Variants in CEP63 observed in about 807,000 individuals in gnomAD.
The protein encoded by CEP63 is centrosomal protein 63.
In CEP63, 84 loss-of-function variants were observed where a neutral mutation model predicts 89.1. That is an observed-to-expected ratio of 0.94 (90% CI 0.79 to 1.13). The LOEUF is 1.13. Among genes scored for constraint, CEP63 ranks in the 50% most tolerant of loss-of-function variants. The pLI is 0.00. For synonymous variants in CEP63, 267 were observed against 272.5 expected (o/e 0.98, Z 0.20); for missense variants, 838 against 813.3 (o/e 1.03, Z -0.37).
chr3:134,689,331 T>C, the CEP63 span, among the ~76,000 whole-genome samples: 38 of 152,012 alleles, frequency 2.5e-4, no homozygotes, highest in Non-Finnish European at 4.7e-4. Flanking sequence ...TGTCAGCAGG[T>C]AGCAAGATGA....
chr3:134,621,897 G>T, the CEP63 span, among the ~76,000 whole-genome samples: 1 of 152,050 alleles, frequency 6.6e-6, no homozygotes, highest in Non-Finnish European at 1.5e-5. Context: ...TCAAAAAGGG[G>T]CAAAGGACTT....
chr3:134,761,755 C>A, the CEP63 span, among the ~76,000 whole-genome samples: 35 of 152,074 alleles, frequency 2.3e-4, no homozygotes, highest in Middle Eastern at 3.4e-3. Context: ...CTCTCTCCCC[C>A]CTGAATGTCA....
At chr3:134,697,488 C>G in the CEP63 span, among the ~76,000 whole-genome samples, 1 of 152,096 alleles carries the variant, frequency 6.6e-6, no homozygotes, top group African/African-American at 2.4e-5. Context: ...CAACAGAATC[C>G]CACTTTAGAA....
chr3:134,693,183 G>T, the CEP63 span, among the ~76,000 whole-genome samples: 1 of 152,210 alleles, frequency 6.6e-6, no homozygotes, highest in African/African-American at 2.4e-5. Context: ...CAAGAAAGCT[G>T]TTGGGTGGGG....
Position 134,532,912 on chromosome 3 carries a change from G to A in CEP63, c.441+12G>A, listed in dbSNP as rs373317087. 1 of 1,612,872 alleles carries A rather than the reference G, an allele frequency of 6.2e-7. No individual in the cohort carries two copies. The highest frequency in any genetic ancestry group is 8.5e-7 in the Non-Finnish European group (1 of 1,179,364). ...CTGCAAAAATAGAGGTATGTTCATA[G>A]TAATAATTTGTTCATAGTGATTGTC... On this transcript the variant is annotated intron_variant, in intron 5 of 14. Coordinates refer to ENST00000675561, the MANE Select transcript of CEP63 (RefSeq NM_001353108.3).
the CEP63 span, among the ~76,000 whole-genome samples, chr3:134,658,824 C>G: frequency 2.0e-5 from 3 of 152,188 alleles, no homozygotes; most frequent in Non-Finnish European, 4.4e-5. Context: ...CATGCAGACA[C>G]CAGCCCTGCT....
At chr3:134,629,621 G>A in the CEP63 span, 15 of 1,596,200 alleles carry the variant, frequency 9.4e-6, no homozygotes, top group Admixed American at 7.0e-5. Flanking sequence ...TCATACATAC[G>A]TTTAGCCAAG....
chr3:134,693,382 C>T, the CEP63 span, among the ~76,000 whole-genome samples: 1 of 152,114 alleles, frequency 6.6e-6, no homozygotes, highest in Non-Finnish European at 1.5e-5. Context: ...CTGACTGGTT[C>T]CCTAATGGTT....
chr3:134,552,268 A>G (rs1955053605), intron 12 of CEP63: 1 of 259,404 alleles, frequency 3.9e-6, no homozygotes, highest in African/African-American at 2.3e-5. Context: ...CAATGGCGTG[A>G]TCTTGGCTCA....
chr3:134,608,495 T>C, the CEP63 span: 2 of 1,550,740 alleles, frequency 1.3e-6, no homozygotes, highest in Non-Finnish European at 1.7e-6. Context: ...CAGCCTCCAC[T>C]CATCCACATG....
intron 3 of CEP63, among the ~76,000 whole-genome samples, chr3:134,511,818 C>T (rs1172080409): frequency 6.6e-6 from 1 of 152,172 alleles, no homozygotes; most frequent in Non-Finnish European, 1.5e-5. Context: ...GAGCCAGTCA[C>T]CTCCCACCAG....
chr3:134,744,371 G>C, the CEP63 span, among the ~76,000 whole-genome samples: 1 of 152,190 alleles, frequency 6.6e-6, no homozygotes, highest in Admixed American at 6.5e-5. Context: ...TAGATTCTCA[G>C]AAGGATGTGG....
chr3:134,610,216 A>T, the CEP63 span: 6 of 1,613,048 alleles, frequency 3.7e-6, no homozygotes, highest in African/African-American at 8.0e-5. Context: ...TTTGGAGGTG[A>T]TGGTGTCCAC....
At chr3:134,772,179 C>T in the CEP63 span, among the ~76,000 whole-genome samples, 2 of 152,262 alleles carry the variant, frequency 1.3e-5, no homozygotes, top group East Asian at 1.9e-4. Context: ...GCCCCATTGC[C>T]CTCTCCCTTG....
chr3:134,575,225 CCCTCCCTCCCTT>C (rs1411393954), downstream of CEP63, among the ~76,000 whole-genome samples: 113 of 44,996 alleles, frequency 2.5e-3, 1 homozygote, highest in Non-Finnish European at 3.7e-3. Context: ...CTCCCTCCCT[CCCTCCCTCCCTT>C]CCTTCCTTCC....
chr3:134,745,153 G>A, the CEP63 span, among the ~76,000 whole-genome samples: 1 of 152,008 alleles, frequency 6.6e-6, no homozygotes, highest in African/African-American at 2.4e-5. Flanking sequence ...AACTTTCTCC[G>A]ACCATTAAAC....
chr3:134,716,761 C>G, the CEP63 span, among the ~76,000 whole-genome samples: 9 of 152,298 alleles, frequency 5.9e-5, no homozygotes, highest in South Asian at 1.9e-3. Flanking sequence ...CTGCTTCTGT[C>G]ATTTGAAAAG....
At chr3:134,689,960 A>G in the CEP63 span, among the ~76,000 whole-genome samples, 1 of 152,210 alleles carries the variant, frequency 6.6e-6, no homozygotes, top group African/African-American at 2.4e-5. Context: ...GAATTTTTGC[A>G]TATCTACAGG....
chr3:134,610,408 GA>G, the CEP63 span: 1 of 1,596,012 alleles, frequency 6.3e-7, no homozygotes, highest in South Asian at 1.1e-5. Flanking sequence ...GGGGGTCTGA[GA>G]GGGGGATCCC....
Sources: gnomAD v4.1 joint callset for allele counts (sites outside exome capture counted in the v4.1 genomes callset) on GRCh38, gnomAD v4.1.1 for gene constraint, MANE v1.5 for transcripts, NCBI Gene and HGNC (gene_info 2026-07-23, HGNC 2026-07-21) for gene names.